Variants in EXOC2 observed in about 807,000 individuals in gnomAD.
EXOC2 encodes the protein SEC5-like 1.
A neutral mutation model predicts 131.8 loss-of-function variants in EXOC2; 70 were observed. The observed-to-expected ratio is 0.53, with a 90% CI of 0.44 to 0.65. EXOC2 has a LOEUF of 0.65. Among genes scored for constraint, EXOC2 ranks in the 30% least tolerant of loss-of-function variants. The pLI, the probability that EXOC2 is intolerant of heterozygous loss-of-function variation, is 0.00. For synonymous variants in EXOC2, 411 were observed against 398.4 expected, an observed-to-expected ratio of 1.03 and a Z score of -0.38; for missense variants, 923 against 1,108.6, an observed-to-expected ratio of 0.83 and a Z score of 2.38.
intron 6 of EXOC2, among the ~76,000 whole-genome samples, chr6:615,018 A>G (rs1369708121): frequency 1.3e-5 from 2 of 152,208 alleles, no homozygotes; most frequent in Non-Finnish European, 2.9e-5. Flanking sequence ...CAGAACATAC[A>G]AATACTAAAC....
At chr6:633,591 T>C (rs990144818) in intron 2 of EXOC2, among the ~76,000 whole-genome samples, 3 of 152,252 alleles carry the variant, frequency 2.0e-5, no homozygotes, top group African/African-American at 7.2e-5. Context: ...TGTTCACTTA[T>C]ACATGGCATT....
intron 23 of EXOC2, among the ~76,000 whole-genome samples, chr6:530,812 A>G (rs1191726377): frequency 6.6e-6 from 1 of 152,220 alleles, no homozygotes; most frequent in Non-Finnish European, 1.5e-5. Context: ...TGAATGGAAA[A>G]TATTCCGGGG....
rs142730354 is a variant in EXOC2, at chr6:690,248, T to C, written c.-44+2771A>G. ...GCACGCACCTATAGTCCCAGCTACT[T>C]GGGAGGCTGAGGTAGAAGGATTTCT... On this transcript the variant is annotated intron_variant, in intron 1 of 27. Coordinates refer to ENST00000230449, the MANE Select transcript of EXOC2 (RefSeq NM_018303.6). Among the ~76,000 whole-genome samples, 54 of 152,044 alleles carry C rather than the reference T, an allele frequency of 3.6e-4. No individual in the cohort carries two copies. The East Asian group carries it at 8.1e-3, about 23-fold the overall frequency.
chr6:649,175 C>A (rs1262863586), intron 1 of EXOC2, among the ~76,000 whole-genome samples: 1 of 152,148 alleles, frequency 6.6e-6, no homozygotes, highest in Non-Finnish European at 1.5e-5. Context: ...CAGGCCCGCA[C>A]CACTGTGCCC....
At chr6:668,246 A>T (rs1763703723) in intron 1 of EXOC2, among the ~76,000 whole-genome samples, 1 of 152,214 alleles carries the variant, frequency 6.6e-6, no homozygotes, top group Non-Finnish European at 1.5e-5. Flanking sequence ...AGTCATGCCC[A>T]GGAAGATACT....
chr6:508,234 G>A (rs4406278), intron 23 of EXOC2, among the ~76,000 whole-genome samples: 7 of 151,918 alleles, frequency 4.6e-5, no homozygotes, highest in African/African-American at 1.2e-4. Flanking sequence ...ACACACGGCC[G>A]CCCCAACTGT....
intron 10 of EXOC2, among the ~76,000 whole-genome samples, chr6:595,922 C>A (rs1203450792): frequency 6.6e-6 from 1 of 152,006 alleles, no homozygotes; most frequent in African/African-American, 2.4e-5. Context: ...TTCTACAAAC[C>A]AGGAAAATCC....
intron 23 of EXOC2, among the ~76,000 whole-genome samples, chr6:529,545 G>A (rs1424001594): frequency 3.9e-5 from 6 of 152,222 alleles, no homozygotes; most frequent in African/African-American, 1.4e-4. Context: ...AGTCATCACT[G>A]AAGCGCAGGA....
At chr6:508,089 A>C (rs1409164185) in intron 23 of EXOC2, among the ~76,000 whole-genome samples, 1 of 152,218 alleles carries the variant, frequency 6.6e-6, no homozygotes, top group Non-Finnish European at 1.5e-5. Flanking sequence ...CTCTTCTTGA[A>C]ACTTGCTAAA....
intron 23 of EXOC2, among the ~76,000 whole-genome samples, chr6:521,280 C>T (rs1479177980): frequency 2.0e-5 from 3 of 150,722 alleles, no homozygotes; most frequent in African/African-American, 4.9e-5. Context: ...CACCACCCAC[C>T]GAGCGCCGAC....
chr6:656,920 C>A (rs141317068), intron 1 of EXOC2: 2 of 1,535,138 alleles, frequency 1.3e-6, no homozygotes, highest in South Asian at 1.2e-5. Context: ...CAGCCTTTGC[C>A]GGTGATCTTG....
chr6:582,001 A>G (rs1758931641), intron 11 of EXOC2, among the ~76,000 whole-genome samples: 1 of 152,254 alleles, frequency 6.6e-6, no homozygotes, highest in African/African-American at 2.4e-5. Flanking sequence ...CAGGAGTTGC[A>G]GAAATAATTT....
At chr6:529,740 ATG>A (rs1392458654) in intron 23 of EXOC2, among the ~76,000 whole-genome samples, 1 of 152,162 alleles carries the variant, frequency 6.6e-6, no homozygotes, top group Non-Finnish European at 1.5e-5. Context: ...TTACTGAACA[ATG>A]TATTACTTTT....
intron 6 of EXOC2, among the ~76,000 whole-genome samples, chr6:616,555 A>C (rs1036527851): frequency 3.0e-5 from 4 of 134,286 alleles, no homozygotes; most frequent in African/African-American, 1.1e-4. Context: ...GTGAGCTGAG[A>C]TCGCGCCACA....
At position 598,127 on chromosome 6, in the gene EXOC2, T is replaced by C. The variant is rs1331217793; in HGVS notation, c.971-4A>G. On this transcript the variant is annotated splice_polypyrimidine_tract_variant and splice_region_variant and intron_variant, in intron 9 of 27. Transcript: ENST00000230449. ...CTTGTTTCTACTTCAGCATAATCTATTTAAAAAGAAAAGAATACACAAGAT... is the reference window on the plus strand; with the variant it reads ...CTTGTTTCTACTTCAGCATAATCTACTTAAAAAGAAAAGAATACACAAGAT... The C allele has an allele frequency of 1.3e-6, 2 of 1,590,592 alleles. No homozygotes were observed. Among genetic ancestry groups the C allele is most frequent in the Non-Finnish European group, 1.7e-6 (2 of 1,164,708 alleles).
chr6:657,173 G>T, intron 1 of EXOC2: 1 of 397,834 alleles, frequency 2.5e-6, no homozygotes. Context: ...CTTCCCTCCA[G>T]CCCTCTCACA....
chr6:673,231 A>G (rs1202058338), intron 1 of EXOC2, among the ~76,000 whole-genome samples: 2 of 135,514 alleles, frequency 1.5e-5, no homozygotes, highest in African/African-American at 2.7e-5. Flanking sequence ...AGCCTGGGTG[A>G]CAAAAGTGAG....
At chr6:504,989 TTC>T (rs1764445811) in intron 23 of EXOC2, among the ~76,000 whole-genome samples, 1 of 152,220 alleles carries the variant, frequency 6.6e-6, no homozygotes, top group African/African-American at 2.4e-5. Flanking sequence ...GCACACTGAT[TTC>T]TCTTTCTGAA....
At chr6:600,331 T>A (rs1760061062) in intron 7 of EXOC2, among the ~76,000 whole-genome samples, 1 of 152,226 alleles carries the variant, frequency 6.6e-6, no homozygotes, top group African/African-American at 2.4e-5. Context: ...TGAGAAAAAA[T>A]ATATTTCCTT....
Sources: allele counts gnomAD v4.1 joint callset (sites outside exome capture counted in the v4.1 genomes callset), GRCh38; gene constraint gnomAD v4.1.1; transcripts MANE v1.5; gene names NCBI Gene and HGNC (gene_info 2026-07-23, HGNC 2026-07-21).